The following NOVA1 variants were observed in gnomAD, a reference collection of about 807,000 sequenced individuals.
NOVA1 encodes the protein NOVA alternative splicing regulator 1, also known as RNA-binding protein Nova-1.
A neutral mutation model predicts 38.0 loss-of-function variants in NOVA1; 7 were observed. The observed-to-expected ratio is 0.18, with a 90% CI of 0.10 to 0.35. The LOEUF is 0.35. Among genes scored for constraint, NOVA1 ranks in the 10% least tolerant of loss-of-function variants. The pLI is 1.00. For synonymous variants in NOVA1, 270 were observed against 232.5 expected (o/e 1.16, Z -1.47); for missense variants, 460 against 616.0 (o/e 0.75, Z 2.68).
chr14:26,574,905 TC>T (rs1012250659), intron 2 of NOVA1, among the ~76,000 whole-genome samples: 1 of 152,008 alleles, frequency 6.6e-6, no homozygotes, highest in African/African-American at 2.4e-5. Context: ...CCCACAATCC[TC>T]CTGCCTCTCA....
intron 2 of NOVA1, among the ~76,000 whole-genome samples, chr14:26,571,990 C>G (rs762553206): frequency 6.6e-6 from 1 of 152,146 alleles, no homozygotes; most frequent in South Asian, 2.1e-4. Context: ...GTTCTTAGGC[C>G]CCAAAGCCTG....
intron 4 of NOVA1, among the ~76,000 whole-genome samples, chr14:26,468,265 G>C (rs1380320254): frequency 6.6e-6 from 1 of 151,650 alleles, no homozygotes; most frequent in Admixed American, 6.6e-5. Flanking sequence ...AGAGTTGCCT[G>C]TAGCCAATAG....
chr14:26,515,916 G>A (rs1888431305), intron 2 of NOVA1, among the ~76,000 whole-genome samples: 1 of 152,046 alleles, frequency 6.6e-6, no homozygotes, highest in African/African-American at 2.4e-5. Context: ...AATCATAAGT[G>A]TATATCTTAA....
chr14:26,455,937 C>A (rs1883138309), intron 4 of NOVA1, among the ~76,000 whole-genome samples: 1 of 151,904 alleles, frequency 6.6e-6, no homozygotes, highest in African/African-American at 2.4e-5. Context: ...GCTTACTAAA[C>A]CAGATTTTAC....
chr14:26,568,028 G>T (rs1317492202), intron 2 of NOVA1, among the ~76,000 whole-genome samples: 1 of 152,088 alleles, frequency 6.6e-6, no homozygotes, highest in Non-Finnish European at 1.5e-5. Context: ...TCAAGGAAAA[G>T]ATAACAATGA....
At chr14:26,489,422 TTGG>T (rs1369017481) in intron 2 of NOVA1, among the ~76,000 whole-genome samples, 1 of 151,954 alleles carries the variant, frequency 6.6e-6, no homozygotes, top group Non-Finnish European at 1.5e-5. Flanking sequence ...ACTGTTTAAC[TTGG>T]TGGGAGAAGT....
At chr14:26,453,231 G>A (rs919048161) in intron 4 of NOVA1, among the ~76,000 whole-genome samples, 4 of 143,888 alleles carry the variant, frequency 2.8e-5, no homozygotes, top group Admixed American at 6.9e-5. Flanking sequence ...TTTAGAGAGG[G>A]GGGTCTCCCT....
In NOVA1 at chr14:26,445,357, A is replaced by G. The variant is rs537236635; in HGVS notation, c.*2602T>C. Reference sequence around the variant, plus strand: ...GAGAATAAATTTTTAAACAGCATGAAGCTGATTTACACATAATGCATACAA... The same window carrying G: ...GAGAATAAATTTTTAAACAGCATGAGGCTGATTTACACATAATGCATACAA... On this transcript the variant is annotated 3_prime_UTR_variant, in exon 5 of 5. Coordinates refer to ENST00000539517, the MANE Select transcript of NOVA1 (RefSeq NM_002515.3). 1.3e-5 allele frequency: 2 copies of G among 152,372 alleles called. No homozygotes were observed. Among genetic ancestry groups the G allele is most frequent in the South Asian group, 4.1e-4 (2 of 4,832 alleles). 9.4% of individuals were successfully genotyped at this position (152,372 alleles called of 1,614,324 possible).
chr14:26,510,505 G>T (rs1338120371), intron 2 of NOVA1, among the ~76,000 whole-genome samples: 1 of 152,142 alleles, frequency 6.6e-6, no homozygotes, highest in Admixed American at 6.5e-5. Flanking sequence ...CAAAGGTCAA[G>T]GATACATACT....
chr14:26,550,310 A>G lies in NOVA1; in HGVS notation c.280+45100T>C, dbSNP rs185983519. On this transcript the variant is annotated intron_variant, in intron 2 of 4. Coordinates refer to ENST00000539517, the MANE Select transcript of NOVA1 (RefSeq NM_002515.3). ...CATAAAATATCTAAAAGGGATTTTT[A>G]AAAAGTTATTCTGAAATTCCGAATT... Among the ~76,000 whole-genome samples the G allele has an allele frequency of 1.5e-3, 224 of 152,306 alleles. 1 individual carries two copies. Among genetic ancestry groups the G allele is most frequent in the Non-Finnish European group, 2.4e-3 (166 of 68,008 alleles).
chr14:26,476,598 T>A (rs1885003412), intron 3 of NOVA1, among the ~76,000 whole-genome samples: 1 of 152,168 alleles, frequency 6.6e-6, no homozygotes, highest in Admixed American at 6.5e-5. Flanking sequence ...TTTCTTCTAC[T>A]CTAATTAGGC....
chr14:26,525,224 A>C (rs178177), intron 2 of NOVA1, among the ~76,000 whole-genome samples: 145,571 of 152,160 alleles, frequency 0.96, 69,938 homozygotes, highest in East Asian at 1. Context: ...CTTTTATTAC[A>C]AGCCAACTTA....
intron 2 of NOVA1, among the ~76,000 whole-genome samples, chr14:26,497,882 C>T (rs1323102550): frequency 1.3e-5 from 2 of 152,084 alleles, no homozygotes; most frequent in Non-Finnish European, 2.9e-5. Context: ...GGAATGGCAT[C>T]TACTAGAATG....
chr14:26,524,789 A>C (rs1889181519), intron 2 of NOVA1, among the ~76,000 whole-genome samples: 1 of 152,216 alleles, frequency 6.6e-6, no homozygotes, highest in Non-Finnish European at 1.5e-5. Context: ...GCATAACTCA[A>C]GTAATCACTT....
At chr14:26,541,154 GT>G (rs1382039067) in intron 2 of NOVA1, among the ~76,000 whole-genome samples, 1 of 152,104 alleles carries the variant, frequency 6.6e-6, no homozygotes. Flanking sequence ...TCTGATTTGG[GT>G]TTTCAGGCAT....
At chr14:26,530,987 T>C (rs973943251) in intron 2 of NOVA1, among the ~76,000 whole-genome samples, 2 of 152,186 alleles carry the variant, frequency 1.3e-5, no homozygotes, top group African/African-American at 4.8e-5. Flanking sequence ...GAGACATTAA[T>C]ATGTACATTC....
chr14:26,484,170 C>CACA (rs1885684331), intron 2 of NOVA1, among the ~76,000 whole-genome samples: 2 of 152,022 alleles, frequency 1.3e-5, no homozygotes, highest in Admixed American at 1.3e-4. Flanking sequence ...TGCGGTGGCT[C>CACA]ACACCTGTAA....
At chr14:26,566,945 C>A (rs1892170661) in intron 2 of NOVA1, among the ~76,000 whole-genome samples, 1 of 152,196 alleles carries the variant, frequency 6.6e-6, no homozygotes, top group South Asian at 2.1e-4. Context: ...CTGCAAAAAG[C>A]TAGAAGCTGG....
At chr14:26,515,656 C>T (rs983990251) in intron 2 of NOVA1, among the ~76,000 whole-genome samples, 6 of 151,794 alleles carry the variant, frequency 4.0e-5, no homozygotes. Flanking sequence ...GTATCCTATG[C>T]CTACTAAAAA....
Sources: gnomAD v4.1 joint callset for allele counts (sites outside exome capture counted in the v4.1 genomes callset) on GRCh38, gnomAD v4.1.1 for gene constraint, MANE v1.5 for transcripts, NCBI Gene and HGNC (gene_info 2026-07-23, HGNC 2026-07-21) for gene names.